The following A2ML1 variants were observed in gnomAD, a reference collection of about 807,000 sequenced individuals.
A2ML1 encodes the protein alpha-2-macroglobulin like 1, also known as alpha-2-macroglobulin-like protein 1.
In A2ML1, 161 loss-of-function variants were observed where a neutral mutation model predicts 181.9. The ratio of observed to expected loss-of-function variants is 0.89; its 90% CI spans 0.78 to 1.01. The LOEUF is 1.01. Ranked by LOEUF, A2ML1 falls within the 50% of genes least tolerant of loss-of-function variation. The probability of loss-of-function intolerance (pLI) is 0.00; values close to 1 mark genes in which losing one functional copy is unlikely to be tolerated. For synonymous variants in A2ML1, 663 were observed against 666.8 expected (o/e 0.99, Z 0.09); for missense variants, 1,670 against 1,768.1 (o/e 0.94, Z 1.00).
At chr12:8,871,611 C>T (rs1376286501) in intron 33 of A2ML1, among the ~76,000 whole-genome samples, 1 of 152,050 alleles carries the variant, frequency 6.6e-6, no homozygotes, top group African/African-American at 2.4e-5. Flanking sequence ...CCACGCCTGG[C>T]CTCTAATTAT....
chr12:8,851,813 C>T lies in A2ML1; in HGVS notation c.2264C>T (p.Thr755Ile). 1 of 1,614,208 alleles carries T rather than the reference C, an allele frequency of 6.2e-7. No individual in the cohort carries two copies. The highest frequency in any genetic ancestry group is 8.5e-7 in the Non-Finnish European group (1 of 1,180,050). ...TCGGGGAAGGAGGCGGTCCACGTCA[C>T]AGTTCCTGACGCCATCACCGAGTGG... ...GNSGKEAVHV[T>I]VPDAITEWKA... The change falls in exon 19 of 36, where the codon ACA becomes ATA. Residue 755 changes from threonine to isoleucine, a missense_variant. Physicochemically the swap from Thr to Ile is moderately conservative, Grantham distance 89. Coordinates refer to ENST00000299698, the MANE Select transcript of A2ML1 (RefSeq NM_144670.6).
In A2ML1 at chr12:8,852,202, C is replaced by A; in HGVS notation, c.2464-8C>A. 3 of 1,613,954 alleles carry A rather than the reference C, an allele frequency of 1.9e-6. No individual in the cohort carries two copies. Among genetic ancestry groups the A allele is most frequent in the Non-Finnish European group, 2.5e-6 (3 of 1,180,012 alleles). On this transcript the variant is annotated splice_region_variant and splice_polypyrimidine_tract_variant and intron_variant, in intron 19 of 35. Coordinates refer to ENST00000299698, the MANE Select transcript of A2ML1 (RefSeq NM_144670.6). The surrounding 1 kb of genome is among the most constrained non-coding windows in gnomAD (Gnocchi z 4.2). Reference sequence around the variant, plus strand: ...TTGTACCCTTTGTCTCTTAAACATCCTCCGTAGGTTCAGACTGACCTGGCT... The same window carrying A: ...TTGTACCCTTTGTCTCTTAAACATCATCCGTAGGTTCAGACTGACCTGGCT...
chr12:8,822,912 T>C (rs1745006577), intron 1 of A2ML1, among the ~76,000 whole-genome samples, 199 bp downstream of exon 1: 2 of 152,138 alleles, frequency 1.3e-5, no homozygotes, highest in East Asian at 1.9e-4. Context: ...AAAAGATAAA[T>C]ATTAAAATGT....
At chr12:8,838,293 T>C (rs1248942776) in intron 8 of A2ML1, 43 bp from the exon 9 acceptor site, 1 of 1,361,790 alleles carries the variant, frequency 7.3e-7, no homozygotes, top group Non-Finnish European at 1.0e-6. Flanking sequence ...AGAGATTAGA[T>C]TCCTCATCTG....
At chr12:8,853,928 A>G (rs1943974232) in intron 20 of A2ML1, among the ~76,000 whole-genome samples, 200 bp from the exon 21 acceptor site, 1 of 152,164 alleles carries the variant, frequency 6.6e-6, no homozygotes, top group South Asian at 2.1e-4. Flanking sequence ...GTTACCTACC[A>G]CACTGGACTA....
Position 8,835,662 on chromosome 12 carries a change from A to G in A2ML1, c.639A>G (p.Glu213=). 1 of 1,614,002 alleles carries G rather than the reference A, an allele frequency of 6.2e-7. No homozygotes were observed. Among genetic ancestry groups the G allele is most frequent in the Non-Finnish European group, 8.5e-7 (1 of 1,179,910 alleles). Residue 213 remains glutamate, a synonymous_variant, in exon 6 of 36, where the codon GAA becomes GAG. Transcript: ENST00000299698. ...GKTFGTFSVE[E]YVLPKFKVEV... ...CCTTTGGTACTTTCAGTGTGGAGGA[A>G]TATGGTAGGTGGGGAAATGGACAGG... is the stretch of plus-strand genomic sequence containing the variant.
downstream of A2ML1, among the ~76,000 whole-genome samples, chr12:8,887,418 C>T (rs1350652237): frequency 1.3e-5 from 2 of 152,048 alleles, no homozygotes; most frequent in African/African-American, 4.8e-5. Flanking sequence ...TGTGCAGCTG[C>T]AAAGTCACAA....
chr12:8,848,605 A>G, intron 15 of A2ML1, 115 bp from the exon 16 acceptor site: 1 of 772,886 alleles, frequency 1.3e-6, no homozygotes, highest in Non-Finnish European at 2.0e-6. Context: ...AATAATTCTG[A>G]AGTAATAAAG....
chr12:8,883,462 CCTT>C (rs756376082), intron 7 of A2ML1, among the ~76,000 whole-genome samples: 14 of 152,142 alleles, frequency 9.2e-5, no homozygotes, highest in Non-Finnish European at 1.5e-4. Flanking sequence ...GAAAGTATTT[CCTT>C]CTTCTTCTTC....
At chr12:8,879,613 A>G (rs1944850628), downstream of A2ML1, among the ~76,000 whole-genome samples, 1 of 152,202 alleles carries the variant, frequency 6.6e-6, no homozygotes, top group African/African-American at 2.4e-5. Context: ...AACGAAAGGA[A>G]ATGGTGATCC....
At chr12:8,885,551 G>A (rs904238414) in intron 7 of A2ML1, among the ~76,000 whole-genome samples, 4 of 151,896 alleles carry the variant, frequency 2.6e-5, no homozygotes, top group African/African-American at 9.7e-5. Flanking sequence ...TCTGCTTCCC[G>A]GGCTCAAGCA....
intron 8 of A2ML1, 131 bp from the exon 9 acceptor site, chr12:8,838,205 G>T: frequency 1.7e-6 from 1 of 581,438 alleles, no homozygotes; most frequent in Non-Finnish European, 3.0e-6. Context: ...CATGTTGTAG[G>T]AGAGTTTTTC....
chr12:8,840,706 G>A (rs1943438209), intron 10 of A2ML1, among the ~76,000 whole-genome samples: 3 of 151,784 alleles, frequency 2.0e-5, no homozygotes, highest in South Asian at 2.1e-4. Context: ...TCAGGAGTTC[G>A]AAACCAGCCT....
Position 8,829,762 on chromosome 12 carries a change from G to A in A2ML1, c.445G>A (p.Val149Ile), listed in dbSNP as rs750354233. The A allele has an allele frequency of 3.1e-6, 5 of 1,613,636 alleles. No homozygotes were observed. Among genetic ancestry groups the A allele is most frequent in the South Asian group, 1.1e-5 (1 of 91,080 alleles). ...FRIVTMDSNFVPVNDKYSMVE... is the reference protein window; with the variant it reads ...FRIVTMDSNFIPVNDKYSMVE... Reference sequence around the variant, plus strand: ...CATTGTCACCATGGATAGCAACTTCGTTCCAGTGAATGACAAGGTGAGTTG... The same window carrying A: ...CATTGTCACCATGGATAGCAACTTCATTCCAGTGAATGACAAGGTGAGTTG... Residue 149 changes from valine to isoleucine, a missense_variant, in exon 4 of 36, where the codon GTT (valine) becomes ATT (isoleucine). By Grantham distance (29) the Val-to-Ile change is conservative. Coordinates refer to ENST00000299698, the MANE Select transcript of A2ML1 (RefSeq NM_144670.6).
chr12:8,869,304 G>A (rs1329784350), intron 33 of A2ML1, 101 bp downstream of exon 33: 6 of 1,215,086 alleles, frequency 4.9e-6, no homozygotes, highest in Non-Finnish European at 7.2e-6. Context: ...TGGGGATGAG[G>A]GGCCTGGGAG....
At position 8,829,807 on chromosome 12, in the gene A2ML1, C is replaced by T. The variant is rs372398191; in HGVS notation, c.462+28C>T. The T allele has an allele frequency of 1.8e-4, 284 of 1,613,314 alleles. 1 individual carries two copies. The South Asian group carries it at 2.5e-3, about 14-fold the overall frequency. ...GAGTTGGGAGGAGGAGAAGGAGTGGCGCAGGGAGAACAGGGAAAAGGATGA... is the reference window on the plus strand; with the variant it reads ...GAGTTGGGAGGAGGAGAAGGAGTGGTGCAGGGAGAACAGGGAAAAGGATGA... On this transcript the variant is annotated intron_variant, in intron 4 of 35. Transcript: ENST00000299698.
intron 13 of A2ML1, 77 bp from the exon 14 acceptor site, chr12:8,846,000 A>G: frequency 6.4e-7 from 1 of 1,554,852 alleles, no homozygotes; most frequent in Non-Finnish European, 8.8e-7. Flanking sequence ...GGCTCAGTGA[A>G]AAGTACATAT....
intron 14 of A2ML1, 67 bp downstream of exon 14, chr12:8,846,289 G>A (rs1211980754): frequency 1.2e-5 from 19 of 1,580,564 alleles, no homozygotes; most frequent in East Asian, 6.8e-5. Flanking sequence ...TGTGTGCTGC[G>A]GTTGGAAACA....
At chr12:8,863,100 A>G (rs1193466099) in intron 28 of A2ML1, among the ~76,000 whole-genome samples, 1 of 69,556 alleles carries the variant, frequency 1.4e-5, no homozygotes, top group Non-Finnish European at 2.9e-5. Context: ...TTAAAATGTT[A>G]AATCTTTTTT....
Sources: gnomAD v4.1 joint callset for allele counts (sites outside exome capture counted in the v4.1 genomes callset) on GRCh38, gnomAD v4.1.1 for gene constraint, Gnocchi (gnomAD v3.1) non-coding constraint, MANE v1.5 for transcripts, NCBI Gene and HGNC (gene_info 2026-07-23, HGNC 2026-07-21) for gene names.